CDKAL1: variants seen among roughly 807,000 people sequenced by gnomAD.
The protein encoded by CDKAL1 is threonylcarbamoyladenosine tRNA methylthiotransferase.
In CDKAL1, 32 loss-of-function variants were observed where a neutral mutation model predicts 68.2. The ratio of observed to expected loss-of-function variants is 0.47; its 90% CI spans 0.35 to 0.63. The LOEUF is 0.63. Among genes scored for constraint, CDKAL1 ranks in the 30% least tolerant of loss-of-function variants. The pLI is 0.00. For synonymous variants in CDKAL1, 234 were observed against 244.3 expected (o/e 0.96, Z 0.39); for missense variants, 606 against 696.7 (o/e 0.87, Z 1.47).
At chr6:20,773,013 C>CT (rs1437315969) in intron 7 of CDKAL1, 1 of 152,072 alleles carries the variant, frequency 6.6e-6, no homozygotes, top group Non-Finnish European at 1.5e-5. Context: ...ATTTTAATAT[C>CT]TTTTTCTAGG....
intron 15 of CDKAL1, among the ~76,000 whole-genome samples, chr6:21,203,188 T>C (rs952442228): frequency 2.7e-5 from 4 of 147,376 alleles, no homozygotes; most frequent in Non-Finnish European, 5.9e-5. Flanking sequence ...TAGCTGGGAC[T>C]ATAGGCATGC....
intron 13 of CDKAL1, among the ~76,000 whole-genome samples, chr6:21,180,035 A>G (rs1777730132): frequency 6.6e-6 from 1 of 152,150 alleles, no homozygotes; most frequent in African/African-American, 2.4e-5. Flanking sequence ...AAAAAGAAAA[A>G]TCACCAGCTT....
At chr6:20,901,278 T>C (rs749786633) in intron 9 of CDKAL1, among the ~76,000 whole-genome samples, 7 of 152,192 alleles carry the variant, frequency 4.6e-5, no homozygotes, top group Non-Finnish European at 7.3e-5. Context: ...ATATTTTTAT[T>C]CAACTATAAC....
intron 4 of CDKAL1, among the ~76,000 whole-genome samples, chr6:20,607,487 G>A (rs1240302133): frequency 6.6e-6 from 1 of 151,886 alleles, no homozygotes; most frequent in East Asian, 1.9e-4. Flanking sequence ...AAAATCATGT[G>A]ACCCTAAAGA....
At chr6:21,208,254 CCAGA>C (rs1476400858) in intron 15 of CDKAL1, among the ~76,000 whole-genome samples, 17 of 152,248 alleles carry the variant, frequency 1.1e-4, no homozygotes, top group Middle Eastern at 3.4e-3. Context: ...TGCTTCATTA[CCAGA>C]CAAAGGCCAG....
intron 13 of CDKAL1, among the ~76,000 whole-genome samples, chr6:21,163,487 A>G (rs895321028): frequency 4.0e-5 from 6 of 151,864 alleles, no homozygotes; most frequent in African/African-American, 1.2e-4. Context: ...CACTTTCCTC[A>G]TCTGTTTCTT....
intron 10 of CDKAL1, among the ~76,000 whole-genome samples, chr6:20,963,825 T>C (rs1765171425): frequency 1.3e-5 from 2 of 152,174 alleles, no homozygotes; most frequent in Non-Finnish European, 2.9e-5. Flanking sequence ...CCAGTGTCTA[T>C]ATTATGAGAA....
In CDKAL1 at chr6:20,678,026, AAAG is replaced by A. The variant is rs764179369; in HGVS notation, c.371+28653_371+28655del. 3.6e-4 allele frequency among the ~76,000 whole-genome samples: 55 copies of A among 151,098 alleles called. 1 individual carries two copies. Among genetic ancestry groups the A allele is most frequent in the Non-Finnish European group, 4.7e-4 (32 of 67,866 alleles). On this transcript the variant is annotated intron_variant, in intron 5 of 15. Coordinates refer to ENST00000274695, the MANE Select transcript of CDKAL1 (RefSeq NM_017774.3). ...TTGTGAATGTTCAATGGGTGCTTGA[AAAG>A]AAGGTGTATTCTCTTCTCTGTTATT... is the stretch of plus-strand genomic sequence containing the variant.
intron 8 of CDKAL1, among the ~76,000 whole-genome samples, chr6:20,824,946 GCTTCTTTTTC>G (rs763114390): frequency 0.31 from 46,878 of 151,890 alleles, 7,528 homozygotes; most frequent in East Asian, 0.53. Flanking sequence ...AATATATCTT[GCTTCTTTTTC>G]CTCTTATAGC....
At chr6:20,983,459 G>C (rs1368291267) in intron 10 of CDKAL1, among the ~76,000 whole-genome samples, 1 of 152,142 alleles carries the variant, frequency 6.6e-6, no homozygotes, top group African/African-American at 2.4e-5. Context: ...AGTGGCTCAC[G>C]CCTGTGGTCC....
intron 14 of CDKAL1, among the ~76,000 whole-genome samples, chr6:21,199,285 C>T (rs1016091351): frequency 5.9e-5 from 9 of 152,126 alleles, no homozygotes; most frequent in African/African-American, 1.2e-4. Context: ...CTGGGCAGTG[C>T]GTCCCCAGGA....
intron 9 of CDKAL1, among the ~76,000 whole-genome samples, chr6:20,896,071 CTTTTTTTCT>C (rs1485167514): frequency 2.6e-5 from 3 of 113,242 alleles, no homozygotes; most frequent in East Asian, 2.5e-4. Flanking sequence ...GAAATGGCTT[CTTTTTTTCT>C]TTTTTTTCTT....
chr6:21,205,632 G>C (rs1778881015), intron 15 of CDKAL1, among the ~76,000 whole-genome samples: 1 of 151,476 alleles, frequency 6.6e-6, no homozygotes, highest in South Asian at 2.1e-4. Context: ...CTGGGTTCAC[G>C]CCATTCTCCT....
At chr6:20,740,075 A>G (rs1416508694) in intron 6 of CDKAL1, among the ~76,000 whole-genome samples, 1 of 152,144 alleles carries the variant, frequency 6.6e-6, no homozygotes, top group Non-Finnish European at 1.5e-5. Context: ...CGTGTAGTCC[A>G]CCATAATTAT....
intron 4 of CDKAL1, among the ~76,000 whole-genome samples, chr6:20,612,978 T>A (rs1766687745): frequency 7.1e-6 from 1 of 140,538 alleles, no homozygotes; most frequent in African/African-American, 2.7e-5. Context: ...AGAAACTCAT[T>A]GTTGCAATTT....
intron 5 of CDKAL1, among the ~76,000 whole-genome samples, chr6:20,701,012 C>T (rs1258960973): frequency 6.6e-6 from 1 of 151,318 alleles, no homozygotes; most frequent in Non-Finnish European, 1.5e-5. Flanking sequence ...TAATATCTTG[C>T]GAATACCTGA....
At chr6:21,187,368 T>C (rs1381082888) in intron 13 of CDKAL1, among the ~76,000 whole-genome samples, 1 of 152,208 alleles carries the variant, frequency 6.6e-6, no homozygotes, top group Non-Finnish European at 1.5e-5. Flanking sequence ...ATCTCTGAAG[T>C]CCTCTCTTCT....
chr6:20,916,332 C>A (rs1057231165), intron 9 of CDKAL1, among the ~76,000 whole-genome samples: 3 of 152,134 alleles, frequency 2.0e-5, no homozygotes, highest in Admixed American at 2.0e-4. Flanking sequence ...AGAAAACTTC[C>A]TATTTTTGCA....
chr6:20,604,922 C>T (rs1171916593), intron 4 of CDKAL1, among the ~76,000 whole-genome samples: 1 of 152,098 alleles, frequency 6.6e-6, no homozygotes, highest in African/African-American at 2.4e-5. Flanking sequence ...CTTTGCTGAG[C>T]TCTGGTTTGG....
Sources: gnomAD v4.1 joint callset for allele counts (sites outside exome capture counted in the v4.1 genomes callset) on GRCh38, gnomAD v4.1.1 for gene constraint, MANE v1.5 for transcripts, NCBI Gene and HGNC (gene_info 2026-07-23, HGNC 2026-07-21) for gene names.